The following BLOC1S2 variants were observed in gnomAD, a reference collection of about 807,000 sequenced individuals.
BLOC1S2 encodes biogenesis of lysosome-related organelles complex 1 subunit 2.
In BLOC1S2, 12 loss-of-function variants were observed where a neutral mutation model predicts 19.6. The observed-to-expected ratio is 0.61, with a 90% CI of 0.39 to 0.99. BLOC1S2 has a LOEUF of 0.99. BLOC1S2 is among the 50% of genes least tolerant of loss of function. The pLI is 0.00. For synonymous variants in BLOC1S2, 66 were observed against 64.1 expected (o/e 1.03, Z -0.14); for missense variants, 142 against 171.0 (o/e 0.83, Z 0.95).
intron 2 of BLOC1S2, chr10:100,282,983 T>C: frequency 2.5e-6 from 1 of 398,596 alleles, no homozygotes; most frequent in Non-Finnish European, 4.4e-6. Flanking sequence ...CTCCGAAATC[T>C]GTTTCTTGTG....
chr10:100,282,917 C>G (rs1848144278), intron 2 of BLOC1S2: 7 of 398,480 alleles, frequency 1.8e-5, no homozygotes, highest in Non-Finnish European at 3.1e-5. Context: ...TACTTCTAAG[C>G]TCTTCCTTGG....
intron 4 of BLOC1S2, among the ~76,000 whole-genome samples, chr10:100,277,722 C>A (rs1439583866): frequency 7.3e-6 from 1 of 136,984 alleles, no homozygotes; most frequent in Non-Finnish European, 1.6e-5. Context: ...CTCAGCCCCC[C>A]GCCCGGCCAG....
intron 2 of BLOC1S2, among the ~76,000 whole-genome samples, chr10:100,283,856 C>T (rs1462091656): frequency 1.3e-5 from 2 of 152,048 alleles, no homozygotes; most frequent in Non-Finnish European, 2.9e-5. Flanking sequence ...GCCTGGGCAA[C>T]AAAAGCGAAA....
At position 100,286,615 on chromosome 10, in the gene BLOC1S2, C is replaced by T. The variant is rs1377640851; in HGVS notation, c.45G>A (p.Glu15=). The part of the protein sequence containing the change: ...AEGVLATRSD[E]PARDDAAVET... Reference sequence around the variant, plus strand: ...ATCCATTCCGGGTACCTCGGGCGGGCTCATCACTCCGGGTCGCCAGTACGC... The same window carrying T: ...ATCCATTCCGGGTACCTCGGGCGGGTTCATCACTCCGGGTCGCCAGTACGC... The change falls in exon 1 of 5, where the codon GAG becomes GAA. Residue 15 remains glutamate (E), a synonymous_variant. Coordinates refer to ENST00000370372, the MANE Select transcript of BLOC1S2 (RefSeq NM_173809.5). 2.5e-6 allele frequency: 4 copies of T among 1,612,646 alleles called. No individual in the cohort carries two copies. The Admixed American group carries it at 6.7e-5, about 27-fold the overall frequency.
chr10:100,279,543 G>GC (rs1848045624), intron 4 of BLOC1S2, among the ~76,000 whole-genome samples: 1 of 152,014 alleles, frequency 6.6e-6, no homozygotes, highest in South Asian at 2.1e-4. Context: ...GACCAGCCTG[G>GC]CCAACATGGT....
Position 100,286,485 on chromosome 10 carries a change from A to G in BLOC1S2, c.55+120T>C. The G allele has an allele frequency of 2.7e-6, 4 of 1,503,132 alleles. 1 individual carries two copies. The South Asian group carries it at 5.1e-5, about 19-fold the overall frequency. The allele number at this position is 1,503,132 out of a possible 1,614,324, so 93.1% of individuals were successfully genotyped here. A position where few individuals can be genotyped will look rare whatever the true frequency, so the allele number is the denominator to read the frequency against. On this transcript the variant is annotated intron_variant, in intron 1 of 4. Coordinates refer to ENST00000370372, the MANE Select transcript of BLOC1S2 (RefSeq NM_173809.5). ...GGACAAACACTCGCGCGCAGCGACA[A>G]GTGCACTCCTCTCACCAGCCCGTTC... is the stretch of plus-strand genomic sequence containing the variant.
intron 1 of BLOC1S2, 56 bp from the exon 2 acceptor site, chr10:100,286,269 A>G: frequency 6.4e-7 from 1 of 1,574,144 alleles, no homozygotes; most frequent in Non-Finnish European, 8.6e-7. Flanking sequence ...TAATCCAGCC[A>G]AAGCAGCCTG....
rs534042494 is a variant in BLOC1S2 at position 100,283,706 on chromosome 10, AC to A, written c.172+2390del. ...GCTGACATGGCAAAACCTCATCTCT[AC>A]TAAAAATAAAAATAAAAATTAGCCA... is the stretch of plus-strand genomic sequence containing the variant. On this transcript the variant is annotated intron_variant, in intron 2 of 4. Coordinates refer to ENST00000370372, the MANE Select transcript of BLOC1S2 (RefSeq NM_173809.5). Among the ~76,000 whole-genome samples the A allele has an allele frequency of 7.2e-5, 11 of 152,040 alleles. No individual in the cohort carries two copies. In the South Asian group the frequency reaches 2.3e-3, roughly 32 times the overall value.
At chr10:100,281,956 C>T (rs1848121222) in intron 2 of BLOC1S2, among the ~76,000 whole-genome samples, 1 of 152,108 alleles carries the variant, frequency 6.6e-6, no homozygotes, top group Non-Finnish European at 1.5e-5. Context: ...CTCTGCCTTA[C>T]TTCTTTTGTT....
Position 100,275,275 on chromosome 10 carries a change from C to CT in BLOC1S2, c.*186dup, listed in dbSNP as rs1847822584. On this transcript the variant is annotated 3_prime_UTR_variant, in exon 5 of 5. Coordinates refer to ENST00000370372, the MANE Select transcript of BLOC1S2 (RefSeq NM_173809.5). ...TATAAGTGTGAGATTCTGAGGGATTCTGTCTCAAAGAAGGTTCAGGAATAG... is the reference window on the plus strand; with the variant it reads ...TATAAGTGTGAGATTCTGAGGGATTCTTGTCTCAAAGAAGGTTCAGGAATAG... The CT allele has an allele frequency of 1.9e-6, 1 of 535,366 alleles. No individual in the cohort carries two copies. The highest frequency in any genetic ancestry group is 1.9e-5 in the African/African-American group (1 of 53,284). 33.2% of individuals were successfully genotyped at this position (535,366 alleles called of 1,614,324 possible). A position where few individuals can be genotyped will look rare whatever the true frequency, so the allele number is the denominator to read the frequency against.
rs1195410600 is a variant in BLOC1S2 at position 100,273,669 on chromosome 10, T to A, written c.*1793A>T. 6.6e-6 allele frequency: 1 copy of A among 152,044 alleles called. No individual in the cohort carries two copies. The highest frequency in any genetic ancestry group is 1.5e-5 in the Non-Finnish European group (1 of 68,034). The allele number at this position is 152,044 out of a possible 1,614,324, so 9.4% of individuals were successfully genotyped here. A position where few individuals can be genotyped will look rare whatever the true frequency, so the allele number is the denominator to read the frequency against. On this transcript the variant is annotated 3_prime_UTR_variant, in exon 5 of 5. Transcript: ENST00000370372. Reference sequence around the variant, plus strand: ...GGCCAACATGGTGAAACCCCGTCTCTACTAAAAATACAAAAATTAGCCTGG... The same window carrying A: ...GGCCAACATGGTGAAACCCCGTCTCAACTAAAAATACAAAAATTAGCCTGG...
chr10:100,280,884 C>CA, intron 3 of BLOC1S2, 50 bp downstream of exon 3: 1 of 1,557,510 alleles, frequency 6.4e-7, no homozygotes. Flanking sequence ...GCCCCAAGCA[C>CA]AAAAGAACAT....
chr10:100,277,724 CCCGG>C (rs1847953349), intron 4 of BLOC1S2, among the ~76,000 whole-genome samples: 1 of 136,388 alleles, frequency 7.3e-6, no homozygotes, highest in Admixed American at 7.0e-5. Context: ...CAGCCCCCCG[CCCGG>C]CCAGCCGCCC....
chr10:100,280,115 A>T lies in BLOC1S2; in HGVS notation c.397+9T>A. ...TTTATTACATCAAAACAGAAGTAAA[A>T]ACGGTTACCCAGTTTTTTTGAATAT... On this transcript the variant is annotated intron_variant, in intron 4 of 4. Transcript: ENST00000370372. 1 of 1,608,714 alleles carries T rather than the reference A, an allele frequency of 6.2e-7. No homozygotes were observed. The highest frequency in any genetic ancestry group is 1.7e-4 in the Middle Eastern group (1 of 5,940).
intron 3 of BLOC1S2, 80 bp downstream of exon 3, chr10:100,280,854 G>C: frequency 6.8e-7 from 1 of 1,464,478 alleles, no homozygotes; most frequent in Admixed American, 2.7e-5. Flanking sequence ...AGGATGTCAT[G>C]TTCCCTCCTC....
intron 2 of BLOC1S2, chr10:100,283,006 T>G (rs1207237403): frequency 2.5e-6 from 1 of 398,510 alleles, no homozygotes; most frequent in African/African-American, 2.1e-5. Context: ...CTGATCAATC[T>G]CTGAGCTCTG....
chr10:100,286,300 C>G, intron 1 of BLOC1S2, 87 bp from the exon 2 acceptor site: 1 of 1,528,868 alleles, frequency 6.5e-7, no homozygotes, highest in African/African-American at 1.4e-5. Context: ...CCTCCACTTG[C>G]CTTCATTCCA....
chr10:100,280,726 TAAAA>T (rs1848081870), intron 3 of BLOC1S2, among the ~76,000 whole-genome samples: 1 of 152,152 alleles, frequency 6.6e-6, no homozygotes, highest in African/African-American at 2.4e-5. Context: ...AATAAACTGA[TAAAA>T]TCAAGATTTA....
chr10:100,276,848 G>A (rs1182413889), intron 4 of BLOC1S2, among the ~76,000 whole-genome samples: 3 of 152,076 alleles, frequency 2.0e-5, no homozygotes, highest in African/African-American at 4.8e-5. Flanking sequence ...ATCTCGGCTC[G>A]CTATGGCCTC....
Sources: allele counts gnomAD v4.1 joint callset (sites outside exome capture counted in the v4.1 genomes callset), GRCh38; gene constraint gnomAD v4.1.1; transcripts MANE v1.5; gene names NCBI Gene and HGNC (gene_info 2026-07-23, HGNC 2026-07-21).